ZMAT4: variants seen among roughly 807,000 people sequenced by gnomAD.
ZMAT4 encodes zinc finger matrin-type protein 4.
A neutral mutation model predicts 28.7 loss-of-function variants in ZMAT4; 17 were observed. That is an observed-to-expected ratio of 0.59 (90% CI 0.41 to 0.89). The LOEUF is 0.89. Among genes scored for constraint, ZMAT4 ranks in the 40% least tolerant of loss-of-function variants. The pLI is 0.00. For synonymous variants in ZMAT4, 117 were observed against 109.2 expected, an observed-to-expected ratio of 1.07 and a Z score of -0.44; for missense variants, 240 against 283.8, an observed-to-expected ratio of 0.85 and a Z score of 1.11.
At chr8:40,729,125 T>C (rs1811427892) in intron 3 of ZMAT4, among the ~76,000 whole-genome samples, 1 of 152,218 alleles carries the variant, frequency 6.6e-6, no homozygotes, top group Non-Finnish European at 1.5e-5. Context: ...CTAAAAGCGA[T>C]GCATTTCACT....
chr8:40,589,719 CCTT>C (rs1346713816), intron 5 of ZMAT4, among the ~76,000 whole-genome samples: 2 of 69,180 alleles, frequency 2.9e-5, no homozygotes, highest in Non-Finnish European at 6.4e-5. Flanking sequence ...CTTCCTTCTT[CCTT>C]CTTCCTTTCC....
chr8:40,685,401 A>G (rs1809357844), intron 4 of ZMAT4, among the ~76,000 whole-genome samples: 1 of 152,174 alleles, frequency 6.6e-6, no homozygotes, highest in Admixed American at 6.5e-5. Context: ...GGTACATAAG[A>G]CTTGCAGACA....
Position 40,531,455 on chromosome 8 carries a change from T to C in ZMAT4, c.*768A>G, listed in dbSNP as rs572093859. Reference sequence around the variant, plus strand: ...GGTTTATAATTCTTCTTTTGGATGCTTTTGGGGAAAAAAATTCACCAAGGT... The same window carrying C: ...GGTTTATAATTCTTCTTTTGGATGCCTTTGGGGAAAAAAATTCACCAAGGT... On this transcript the variant is annotated 3_prime_UTR_variant, in exon 7 of 7. Coordinates refer to ENST00000297737, the MANE Select transcript of ZMAT4 (RefSeq NM_024645.3). The C allele has an allele frequency of 6.5e-6, 1 of 152,672 alleles. No homozygotes were observed. The highest frequency in any genetic ancestry group is 2.1e-4 in the South Asian group (1 of 4,824). 9.5% of individuals were successfully genotyped at this position (152,672 alleles called of 1,614,324 possible).
chr8:40,567,280 A>T (rs1279798819), intron 6 of ZMAT4, among the ~76,000 whole-genome samples: 1 of 152,216 alleles, frequency 6.6e-6, no homozygotes, highest in East Asian at 1.9e-4. Context: ...AAAGCTAAAG[A>T]AAAATACATG....
rs201216764 is a variant in ZMAT4 at position 40,788,654 on chromosome 8, C to CA, written c.103-20925dup. 1.5e-3 allele frequency among the ~76,000 whole-genome samples: 231 copies of CA among 150,266 alleles called. 1 individual carries two copies. The highest frequency in any genetic ancestry group is 4.6e-3 in the Admixed American group (70 of 15,078). On this transcript the variant is annotated intron_variant, in intron 2 of 6. Coordinates refer to ENST00000297737, the MANE Select transcript of ZMAT4 (RefSeq NM_024645.3). ...ACTAAGAAATTCTACCAAACATTAA[C>CA]AAAAAAAACACCAATTGTACACCAA...
chr8:40,764,563 G>T (rs976123114), intron 3 of ZMAT4, among the ~76,000 whole-genome samples: 1 of 152,078 alleles, frequency 6.6e-6, no homozygotes, highest in Non-Finnish European at 1.5e-5. Flanking sequence ...AAAGCCATAC[G>T]CTGGGGGTAT....
At chr8:40,628,370 G>A (rs1563374043) in intron 5 of ZMAT4, among the ~76,000 whole-genome samples, 1 of 152,178 alleles carries the variant, frequency 6.6e-6, no homozygotes, top group African/African-American at 2.4e-5. Flanking sequence ...CAAGCATCGC[G>A]TTAAGCATTT....
At chr8:40,589,340 C>G (rs1325930018) in intron 5 of ZMAT4, among the ~76,000 whole-genome samples, 1 of 152,102 alleles carries the variant, frequency 6.6e-6, no homozygotes, top group Non-Finnish European at 1.5e-5. Flanking sequence ...CTATACTCCT[C>G]CCACTGTGAA....
chr8:40,616,700 C>T (rs1806019230), intron 5 of ZMAT4, among the ~76,000 whole-genome samples: 2 of 151,546 alleles, frequency 1.3e-5, no homozygotes, highest in African/African-American at 4.9e-5. Flanking sequence ...AACACTTGGA[C>T]ACAGGAAGGG....
intron 3 of ZMAT4, among the ~76,000 whole-genome samples, chr8:40,706,752 C>G (rs1810371758): frequency 1.3e-5 from 2 of 152,142 alleles, no homozygotes; most frequent in South Asian, 4.1e-4. Flanking sequence ...GAACACCAAG[C>G]AGCCTGCCAA....
chr8:40,544,220 A>G (rs925088660), intron 6 of ZMAT4, among the ~76,000 whole-genome samples: 6 of 152,184 alleles, frequency 3.9e-5, no homozygotes, highest in African/African-American at 1.4e-4. Context: ...AAACTGTAAG[A>G]GTGATAAATT....
At chr8:40,712,023 G>T (rs538835702) in intron 3 of ZMAT4, among the ~76,000 whole-genome samples, 1 of 152,294 alleles carries the variant, frequency 6.6e-6, no homozygotes, top group East Asian at 1.9e-4. Flanking sequence ...AGCAGCCCTA[G>T]ATGTCTCCCT....
chr8:40,728,715 A>T (rs1811408944), intron 3 of ZMAT4, among the ~76,000 whole-genome samples: 2 of 152,224 alleles, frequency 1.3e-5, no homozygotes, highest in South Asian at 4.1e-4. Context: ...ATGCACACAC[A>T]AATGCTTGGA....
chr8:40,582,116 T>C (rs1804483856), intron 5 of ZMAT4, among the ~76,000 whole-genome samples: 1 of 152,238 alleles, frequency 6.6e-6, no homozygotes, highest in African/African-American at 2.4e-5. Context: ...CGGTCATTTC[T>C]AGTTTTGTGA....
At chr8:40,788,407 A>G (rs1004593998) in intron 2 of ZMAT4, among the ~76,000 whole-genome samples, 21 of 152,108 alleles carry the variant, frequency 1.4e-4, no homozygotes, top group African/African-American at 4.3e-4. Context: ...ACATGGCGAA[A>G]CCCTGTCTCT....
chr8:40,694,519 G>A (rs964197507), intron 4 of ZMAT4, among the ~76,000 whole-genome samples: 2 of 152,030 alleles, frequency 1.3e-5, no homozygotes, highest in African/African-American at 2.4e-5. Flanking sequence ...TCCCAACACC[G>A]GCACACTGCT....
At chr8:40,692,987 C>G (rs182103799) in intron 4 of ZMAT4, among the ~76,000 whole-genome samples, 60 of 152,232 alleles carry the variant, frequency 3.9e-4, no homozygotes, top group Admixed American at 3.5e-3. Flanking sequence ...AGTGTCCCCT[C>G]AAATTTATGT....
chr8:40,722,632 T>C (rs562489660), intron 3 of ZMAT4, among the ~76,000 whole-genome samples: 1 of 152,302 alleles, frequency 6.6e-6, no homozygotes, highest in African/African-American at 2.4e-5. Context: ...TCTTTTTTCT[T>C]TGATGCATAA....
intron 4 of ZMAT4, among the ~76,000 whole-genome samples, chr8:40,684,937 C>T (rs1455019657): frequency 1.3e-5 from 2 of 152,074 alleles, no homozygotes; most frequent in Non-Finnish European, 2.9e-5. Context: ...TATTGAACCT[C>T]CATTTTGAGT....
Sources: gnomAD v4.1 joint callset for allele counts (sites outside exome capture counted in the v4.1 genomes callset) on GRCh38, gnomAD v4.1.1 for gene constraint, MANE v1.5 for transcripts, NCBI Gene and HGNC (gene_info 2026-07-23, HGNC 2026-07-21) for gene names.